R3HCC1L: variants seen among roughly 807,000 people sequenced by gnomAD.
The protein encoded by R3HCC1L is R3H domain and coiled-coil containing 1 like, also known as coiled-coil domain-containing protein R3HCC1L.
Under a neutral mutation model 59.9 loss-of-function variants are expected in R3HCC1L, and 51 were observed. The observed-to-expected ratio is 0.85, with a 90% CI of 0.68 to 1.07. The LOEUF (loss-of-function observed/expected upper bound fraction) is 1.07, where lower values mean the gene tolerates loss of function less well. Ranked by LOEUF, R3HCC1L falls within the 50% of genes least tolerant of loss-of-function variation. R3HCC1L has a pLI of 0.00. For missense variants in R3HCC1L, 965 were observed against 933.0 expected, an observed-to-expected ratio of 1.03 and a Z score of -0.45; for synonymous variants, 322 against 315.2, an observed-to-expected ratio of 1.02 and a Z score of -0.23.
At chr10:98,174,615 C>T (rs1848818461) in intron 4 of R3HCC1L, 2 of 985,108 alleles carry the variant, frequency 2.0e-6, no homozygotes, top group Non-Finnish European at 2.4e-6. Context: ...TTTAGGAGGG[C>T]GTTAGACATT....
chr10:98,165,288 C>T (rs1176842393), intron 4 of R3HCC1L, among the ~76,000 whole-genome samples: 1 of 152,150 alleles, frequency 6.6e-6, no homozygotes, highest in East Asian at 1.9e-4. Context: ...ACAAAAAACC[C>T]TGTAAGGTTC....
intron 4 of R3HCC1L, among the ~76,000 whole-genome samples, chr10:98,177,807 CTATT>C (rs1251617457): frequency 1.3e-5 from 2 of 152,108 alleles, no homozygotes; most frequent in Non-Finnish European, 2.9e-5. Flanking sequence ...TTTCATGTGT[CTATT>C]GGCTGCATAA....
chr10:98,167,569 G>C (rs1322751665), intron 4 of R3HCC1L, among the ~76,000 whole-genome samples: 1 of 152,208 alleles, frequency 6.6e-6, no homozygotes, highest in African/African-American at 2.4e-5. Context: ...AAAATAAATA[G>C]CTTTGCTACA....
chr10:98,167,261 T>C (rs532274248), intron 4 of R3HCC1L, among the ~76,000 whole-genome samples: 4 of 152,228 alleles, frequency 2.6e-5, no homozygotes, highest in African/African-American at 9.6e-5. Context: ...TTATTTGTTA[T>C]TCTTGGAACT....
In R3HCC1L at chr10:98,209,374, A is replaced by G; in HGVS notation, c.1260A>G (p.Ala420=). 6.2e-7 allele frequency: 1 copy of G among 1,614,042 alleles called. No individual in the cohort carries two copies. The highest frequency in any genetic ancestry group is 8.5e-7 in the Non-Finnish European group (1 of 1,180,006). Residue 420 remains alanine (A), a synonymous_variant, in exon 5 of 10, where the codon GCA becomes GCG. Transcript: ENST00000298999. ...TCTCAAAGTTTGTAGGAATGAGTGCAGATGCAACCCCTCTTCATGTAGCTA... is the reference window on the plus strand; with the variant it reads ...TCTCAAAGTTTGTAGGAATGAGTGCGGATGCAACCCCTCTTCATGTAGCTA... ...RSFSKFVGMS[A]DATPLHVARS...
At position 98,224,730 on chromosome 10, in the gene R3HCC1L, A is replaced by T. The variant is rs1032290651; in HGVS notation, c.1786-6782A>T. ...TGTAAACTTTCCCTTGGTCTATAAT[A>T]GATAGATCAGAATGAATGAAATTCT... On this transcript the variant is annotated intron_variant, in intron 5 of 9. Transcript: ENST00000298999. Among the ~76,000 whole-genome samples, 3 of 152,362 alleles carry T rather than the reference A, an allele frequency of 2.0e-5. No homozygotes were observed. In the East Asian group the frequency reaches 5.8e-4, roughly 29 times the overall value.
At chr10:98,134,751 G>A (rs1050410494) in intron 1 of R3HCC1L, 45 bp downstream of exon 1, 2 of 152,252 alleles carry the variant, frequency 1.3e-5, no homozygotes, top group African/African-American at 2.4e-5. Context: ...CTCAAGCTAG[G>A]ATTTTTAATC....
intron 1 of R3HCC1L, among the ~76,000 whole-genome samples, chr10:98,154,008 G>A (rs996537181): frequency 6.6e-6 from 1 of 152,052 alleles, no homozygotes; most frequent in African/African-American, 2.4e-5. Context: ...TTCCTTTAAG[G>A]ATACTTCCTG....
chr10:98,207,997 C>G lies in R3HCC1L; in HGVS notation c.-14-104C>G. The stretch of plus-strand genomic sequence containing the variant: ...CTGAGATCGCTCCACTGTACTCTAG[C>G]CTGGGTGACAGTGTGAGACTCTGTC... On this transcript the variant is annotated intron_variant, in intron 4 of 9. Coordinates refer to ENST00000298999, the MANE Select transcript of R3HCC1L (RefSeq NM_001351015.2). The G allele has an allele frequency of 4.6e-6, 5 of 1,084,414 alleles. No homozygotes were observed. The South Asian group carries it at 6.9e-5, about 15-fold the overall frequency. 67.2% of individuals were successfully genotyped at this position (1,084,414 alleles called of 1,614,324 possible).
chr10:98,234,669 G>T (rs1856724552), intron 7 of R3HCC1L, among the ~76,000 whole-genome samples, 153 bp downstream of exon 7: 1 of 152,140 alleles, frequency 6.6e-6, no homozygotes, highest in Non-Finnish European at 1.5e-5. Flanking sequence ...AGGTACTTTG[G>T]TACCCATTCT....
chr10:98,161,297 A>C (rs1036205612), intron 2 of R3HCC1L, among the ~76,000 whole-genome samples: 1 of 152,118 alleles, frequency 6.6e-6, no homozygotes, highest in South Asian at 2.1e-4. Context: ...ACATCTTTTC[A>C]TATGTTTAAG....
At chr10:98,193,295 A>T (rs1046754967) in intron 4 of R3HCC1L, among the ~76,000 whole-genome samples, 1 of 152,118 alleles carries the variant, frequency 6.6e-6, no homozygotes, top group African/African-American at 2.4e-5. Context: ...AAAAGAAATA[A>T]AAAGCATCCA....
At chr10:98,177,326 C>A (rs1156531280) in intron 4 of R3HCC1L, among the ~76,000 whole-genome samples, 1 of 152,132 alleles carries the variant, frequency 6.6e-6, no homozygotes, top group East Asian at 1.9e-4. Flanking sequence ...TGATGGTTTC[C>A]AGCTTTATCC....
intron 1 of R3HCC1L, among the ~76,000 whole-genome samples, chr10:98,154,676 T>TA (rs1356519659): frequency 6.6e-6 from 1 of 152,146 alleles, no homozygotes; most frequent in Non-Finnish European, 1.5e-5. Flanking sequence ...GCCGTTCAAA[T>TA]AAAGAGCAGG....
intron 5 of R3HCC1L, among the ~76,000 whole-genome samples, chr10:98,217,445 G>C (rs958778368): frequency 6.6e-6 from 1 of 152,126 alleles, no homozygotes; most frequent in African/African-American, 2.4e-5. Flanking sequence ...AAATCAGGTA[G>C]TGTGATACCT....
chr10:98,169,430 A>T (rs767549495), intron 4 of R3HCC1L, among the ~76,000 whole-genome samples: 1 of 152,218 alleles, frequency 6.6e-6, no homozygotes, highest in Non-Finnish European at 1.5e-5. Context: ...GAACCAAATG[A>T]GATAATGTAT....
chr10:98,145,790 T>C (rs548649744), intron 1 of R3HCC1L, among the ~76,000 whole-genome samples: 2 of 152,014 alleles, frequency 1.3e-5, no homozygotes, highest in African/African-American at 4.8e-5. Context: ...CTGTACTAAG[T>C]ATACAAAAAT....
intron 5 of R3HCC1L, among the ~76,000 whole-genome samples, chr10:98,214,319 A>T (rs930225151): frequency 2.0e-5 from 3 of 152,134 alleles, no homozygotes; most frequent in African/African-American, 7.2e-5. Context: ...GTTTCAGTGA[A>T]TTCCATGAGA....
intron 4 of R3HCC1L, among the ~76,000 whole-genome samples, chr10:98,170,114 A>G (rs1848374380): frequency 6.6e-6 from 1 of 152,160 alleles, no homozygotes; most frequent in Non-Finnish European, 1.5e-5. Context: ...CTTCAGCACA[A>G]TTAACTTCCT....
Sources: gnomAD v4.1 joint callset for allele counts (sites outside exome capture counted in the v4.1 genomes callset) on GRCh38, gnomAD v4.1.1 for gene constraint, MANE v1.5 for transcripts, NCBI Gene and HGNC (gene_info 2026-07-23, HGNC 2026-07-21) for gene names.